Variants in CAPN6 observed in about 807,000 individuals in gnomAD.
CAPN6 encodes calpain-6.
In CAPN6, 16 loss-of-function variants were observed where a neutral mutation model predicts 46.0. The ratio of observed to expected loss-of-function variants is 0.35; its 90% confidence interval spans 0.24 to 0.53. CAPN6 has a LOEUF of 0.53. CAPN6 is among the 20% of genes least tolerant of loss of function. The probability of loss-of-function intolerance (pLI) is 0.94; values close to 1 mark genes in which losing one functional copy is unlikely to be tolerated. For synonymous variants in CAPN6, 206 were observed against 172.8 expected, an observed-to-expected ratio of 1.19 and a Z score of -1.51; for missense variants, 461 against 498.0, an observed-to-expected ratio of 0.93 and a Z score of 0.71.
At chrX:111,269,460 A>G (rs1007606559) in intron 1 of CAPN6, among the ~76,000 whole-genome samples, 8 of 112,709 alleles carry the variant, frequency 7.1e-5, no homozygotes, top group African/African-American at 2.6e-4. Context: ...ACAAACCAGG[A>G]TGTTTTATCC....
intron 2 of CAPN6, among the ~76,000 whole-genome samples, chrX:111,263,153 ATC>A (rs937240791): frequency 4.5e-5 from 5 of 112,223 alleles, no homozygotes; most frequent in East Asian, 2.8e-4. Flanking sequence ...AGGTTGGCAT[ATC>A]TCTCTGTTTT....
At position 111,254,407 on chromosome X, in the gene CAPN6, T is replaced by C. The variant is rs372508180; in HGVS notation, c.166-4A>G. ...GATGGGGGTCATCACAGATGTCCTA[T>C]GAATACAATAATTGGTTATATGAGA... On this transcript the variant is annotated splice_region_variant and splice_polypyrimidine_tract_variant and intron_variant, in intron 2 of 12. Transcript: ENST00000324068. 1.2e-5 allele frequency: 14 copies of C among 1,190,360 alleles called. No individual in the cohort carries two copies. In the East Asian group the frequency reaches 2.1e-4, roughly 18 times the overall value.
At chrX:111,248,087 GA>G (rs1252899320) in intron 10 of CAPN6, 95 bp from the exon 11 acceptor site, 26 of 837,474 alleles carry the variant, frequency 3.1e-5, no homozygotes, top group East Asian at 9.4e-5. Context: ...AAAAGCATGA[GA>G]CATTGTGTGA....
At chrX:111,253,563 G>T (rs1196880224) in intron 3 of CAPN6, among the ~76,000 whole-genome samples, 1 of 112,459 alleles carries the variant, frequency 8.9e-6, no homozygotes, top group Admixed American at 9.4e-5. Flanking sequence ...TGTTTAAAAT[G>T]CAAGGCATTC....
chrX:111,265,094 TA>T (rs1197197185), intron 1 of CAPN6, among the ~76,000 whole-genome samples: 1 of 112,115 alleles, frequency 8.9e-6, no homozygotes, highest in Non-Finnish European at 1.9e-5. Flanking sequence ...GAATGTCTGC[TA>T]AAAAATAAGG....
chrX:111,250,527 G>A (rs772520389), intron 8 of CAPN6, among the ~76,000 whole-genome samples: 1 of 111,092 alleles, frequency 9.0e-6, no homozygotes, highest in East Asian at 2.8e-4. Flanking sequence ...TAGTAAATGT[G>A]CACCCCAGAG....
intron 1 of CAPN6, among the ~76,000 whole-genome samples, chrX:111,267,975 A>G (rs1006386018): frequency 8.9e-6 from 1 of 112,316 alleles, no homozygotes; most frequent in Non-Finnish European, 1.9e-5. Flanking sequence ...AAAGTAATAC[A>G]AATTCAGCAT....
chrX:111,248,847 A>G, intron 9 of CAPN6, 76 bp from the exon 10 acceptor site: 3 of 1,181,522 alleles, frequency 2.5e-6, no homozygotes, highest in Non-Finnish European at 2.3e-6. Flanking sequence ...TTTTATCCCT[A>G]GGCCTTCCAT....
Position 111,247,922 on chromosome X carries a change from G to C in CAPN6, c.1555C>G (p.Gln519Glu), listed in dbSNP as rs369793546. 117 of 1,208,463 alleles carry C rather than the reference G, an allele frequency of 9.7e-5. No homozygotes were observed. The highest frequency in any genetic ancestry group is 1.3e-4 in the Non-Finnish European group (116 of 893,611). Reference sequence around the variant, plus strand: ...TCCTCAGCACTGTGAACAGTGATCTGAGTAACTACTTTCGGGTAGCCACGA... The same window carrying C: ...TCCTCAGCACTGTGAACAGTGATCTCAGTAACTACTTTCGGGTAGCCACGA... ...LARGYPKVVT[Q>E]ITVHSAEDLE... The change falls in exon 11 of 13, where the codon CAG becomes GAG. Residue 519 changes from glutamine to glutamate, a missense_variant. Physicochemically the swap from Gln to Glu is conservative, Grantham distance 29. Coordinates refer to ENST00000324068, the MANE Select transcript of CAPN6 (RefSeq NM_014289.4).
At chrX:111,246,833 T>A in intron 12 of CAPN6, 74 bp from the exon 13 acceptor site, 1 of 853,712 alleles carries the variant, frequency 1.2e-6, no homozygotes. Flanking sequence ...GACATCCAGA[T>A]CTAATGCTGA....
At chrX:111,253,271 C>G in intron 3 of CAPN6, 55 bp from the exon 4 acceptor site, 1 of 970,053 alleles carries the variant, frequency 1.0e-6, no homozygotes, top group Non-Finnish European at 1.5e-6. Context: ...CATCCAGAAA[C>G]TGAGATTACA....
chrX:111,251,658 T>C lies in CAPN6; in HGVS notation c.784A>G (p.Ile262Val). 8.3e-7 allele frequency: 1 copy of C among 1,210,390 alleles called. No homozygotes were observed. Residue 262 changes from isoleucine to valine, a missense_variant, in exon 6 of 13, where the codon ATT (isoleucine) becomes GTT (valine). By Grantham distance (29) the Ile-to-Val change is conservative. Coordinates refer to ENST00000324068, the MANE Select transcript of CAPN6 (RefSeq NM_014289.4). ...TCCACAAGTCTCTCTCCAAGACGAA[T>C]TTTGCGAATATCAGTCATGGTATAG... ...HTYTMTDIRK[I>V]RLGERLVEVF... is the part of the protein sequence containing the mutation.
chrX:111,248,555 G>T lies in CAPN6; in HGVS notation c.1484+14C>A. 1.1e-5 allele frequency: 13 copies of T among 1,190,543 alleles called. No individual in the cohort carries two copies. Among genetic ancestry groups the T allele is most frequent in the Non-Finnish European group, 1.5e-5 (13 of 877,517 alleles). On this transcript the variant is annotated intron_variant, in intron 10 of 12. Coordinates refer to ENST00000324068, the MANE Select transcript of CAPN6 (RefSeq NM_014289.4). The stretch of plus-strand genomic sequence containing the variant: ...AAAGAACAGGGGTTTGAGGGCTTGC[G>T]AAGGAAACTGAACCTGAGCTGGACA...
chrX:111,248,914 G>A, intron 9 of CAPN6, 21 bp downstream of exon 9: 1 of 1,209,964 alleles, frequency 8.3e-7, no homozygotes, highest in Non-Finnish European at 1.1e-6. Context: ...CATTCTCTCT[G>A]CCCCAAATGC....
intron 1 of CAPN6, among the ~76,000 whole-genome samples, chrX:111,267,945 A>G (rs2094993147): frequency 8.9e-6 from 1 of 112,502 alleles, no homozygotes; most frequent in African/African-American, 3.2e-5. Context: ...ATGGTGAGAG[A>G]AAAGGGACTT....
chrX:111,264,671 T>A (rs191265916), intron 1 of CAPN6, among the ~76,000 whole-genome samples: 1 of 109,065 alleles, frequency 9.2e-6, no homozygotes, highest in African/African-American at 3.4e-5. Context: ...CTATAGATTG[T>A]TATCCCATGG....
At position 111,246,367 on chromosome X, in the gene CAPN6, C is replaced by G. The variant is rs1392936541; in HGVS notation, c.*210G>C. On this transcript the variant is annotated 3_prime_UTR_variant, in exon 13 of 13. Transcript: ENST00000324068. ...TATGATGTCTAGATAGGACTGTCGC[C>G]TCCCCATGTCCAGCTGCTGGAGGTA... The G allele has an allele frequency of 7.7e-5, 32 of 415,895 alleles. No homozygotes were observed. Among genetic ancestry groups the G allele is most frequent in the Non-Finnish European group, 1.1e-4 (27 of 241,230 alleles). The allele number at this position is 415,895 out of a possible 1,213,427, so 34.3% of individuals were successfully genotyped here.
chrX:111,258,081 C>T (rs887484087), intron 2 of CAPN6, among the ~76,000 whole-genome samples: 21 of 111,684 alleles, frequency 1.9e-4, no homozygotes, highest in African/African-American at 6.5e-4. Context: ...TCCTCCTTCC[C>T]AGAGACCTCT....
At chrX:111,250,581 A>T (rs112711047) in intron 8 of CAPN6, among the ~76,000 whole-genome samples, 1 of 111,175 alleles carries the variant, frequency 9.0e-6, no homozygotes, top group African/African-American at 3.3e-5. Flanking sequence ...TTGAGGGAGC[A>T]TCTCAAAGCA....
Sources: gnomAD v4.1 joint callset for allele counts (sites outside exome capture counted in the v4.1 genomes callset) on GRCh38, gnomAD v4.1.1 for gene constraint, MANE v1.5 for transcripts, NCBI Gene and HGNC (gene_info 2026-07-23, HGNC 2026-07-21) for gene names.